Variants in PCDH9 observed in about 807,000 individuals in gnomAD.
PCDH9 encodes the protein protocadherin 9.
Under a neutral mutation model 70.6 loss-of-function variants are expected in PCDH9, and 24 were observed. The ratio of observed to expected loss-of-function variants is 0.34; its 90% CI spans 0.25 to 0.48. PCDH9 has a LOEUF of 0.48. Ranked by LOEUF, PCDH9 falls within the 20% of genes least tolerant of loss-of-function variation. The pLI is 0.99. For missense variants in PCDH9, 1,281 were observed against 1,503.6 expected (o/e 0.85, Z 2.45); for synonymous variants, 562 against 558.5 (o/e 1.01, Z -0.09).
intron 2 of PCDH9, among the ~76,000 whole-genome samples, chr13:67,154,605 TACACACACACACACACAC>T (rs765270091): frequency 4.3e-5 from 4 of 93,284 alleles, no homozygotes; most frequent in Admixed American, 1.3e-4. Flanking sequence ...AATATATATA[TACACACACACACACACAC>T]ACACACACAC....
chr13:66,823,018 A>T (rs887608870), intron 3 of PCDH9, among the ~76,000 whole-genome samples: 2 of 152,120 alleles, frequency 1.3e-5, no homozygotes, highest in African/African-American at 4.8e-5. Flanking sequence ...CAAATATTTT[A>T]TGTAGTTTTT....
intron 2 of PCDH9, among the ~76,000 whole-genome samples, chr13:67,040,620 G>A (rs1412627160): frequency 3.9e-5 from 6 of 152,112 alleles, no homozygotes; most frequent in African/African-American, 9.6e-5. Flanking sequence ...AATTTCTGTC[G>A]CTTATAAGCC....
At chr13:67,085,956 G>A (rs1485136871) in intron 2 of PCDH9, among the ~76,000 whole-genome samples, 3 of 152,068 alleles carry the variant, frequency 2.0e-5, no homozygotes, top group Non-Finnish European at 2.9e-5. Flanking sequence ...CCAAAAGGAC[G>A]CCTCAGACAA....
At chr13:66,976,821 T>G (rs796520287) in intron 2 of PCDH9, among the ~76,000 whole-genome samples, 20 of 152,270 alleles carry the variant, frequency 1.3e-4, no homozygotes, top group African/African-American at 4.6e-4. Flanking sequence ...TTTGGGAAAG[T>G]GCAGAGAGTT....
intron 2 of PCDH9, among the ~76,000 whole-genome samples, chr13:66,927,037 A>G (rs1296231283): frequency 6.6e-6 from 1 of 152,042 alleles, no homozygotes; most frequent in Non-Finnish European, 1.5e-5. Flanking sequence ...TCCAAGGAAA[A>G]TAGTAAAGTC....
At chr13:67,019,885 T>C (rs2084641327) in intron 2 of PCDH9, among the ~76,000 whole-genome samples, 1 of 152,204 alleles carries the variant, frequency 6.6e-6, no homozygotes, top group African/African-American at 2.4e-5. Flanking sequence ...TGCAGTTAAC[T>C]GGGAGAGAGG....
intron 2 of PCDH9, among the ~76,000 whole-genome samples, chr13:67,047,368 A>T (rs2085242909): frequency 6.6e-6 from 1 of 152,242 alleles, no homozygotes. Context: ...AATAGCTTTA[A>T]CTAGGATGAC....
chr13:66,614,901 T>C (rs2077337505), intron 4 of PCDH9, among the ~76,000 whole-genome samples: 1 of 152,152 alleles, frequency 6.6e-6, no homozygotes. Context: ...ACCTCACATT[T>C]TGTATTTGTC....
At chr13:66,813,550 AC>A (rs942672139) in intron 3 of PCDH9, among the ~76,000 whole-genome samples, 3 of 151,648 alleles carry the variant, frequency 2.0e-5, no homozygotes, top group African/African-American at 7.3e-5. Flanking sequence ...AGAGGAGGAA[AC>A]AGGTATCAAG....
At chr13:66,742,188 G>A (rs1302028223) in intron 3 of PCDH9, among the ~76,000 whole-genome samples, 582 of 49,354 alleles carry the variant, frequency 0.012, 18 homozygotes, top group African/African-American at 0.041. Context: ...AAATAACGCC[G>A]CATACCTACA....
intron 3 of PCDH9, among the ~76,000 whole-genome samples, chr13:66,808,456 A>C (rs1320224870): frequency 6.6e-6 from 1 of 152,186 alleles, no homozygotes; most frequent in Non-Finnish European, 1.5e-5. Context: ...ATTTAAAAAT[A>C]ATTACATAGT....
chr13:67,097,797 A>C (rs2138230195), intron 2 of PCDH9, among the ~76,000 whole-genome samples: 1 of 152,304 alleles, frequency 6.6e-6, no homozygotes, highest in Non-Finnish European at 1.5e-5. Flanking sequence ...AGAAAAACCA[A>C]TGAAGAGCCA....
At chr13:66,320,508 G>C (rs1955734208) in intron 4 of PCDH9, among the ~76,000 whole-genome samples, 1 of 151,934 alleles carries the variant, frequency 6.6e-6, no homozygotes, top group South Asian at 2.1e-4. Flanking sequence ...ATAAAGTTAA[G>C]CTGTTGTCTA....
At position 66,882,466 on chromosome 13, in the gene PCDH9, GCT is replaced by G. The variant is rs1178618849; in HGVS notation, c.3138+21036_3138+21037del. Among the ~76,000 whole-genome samples, 8 of 151,566 alleles carry G rather than the reference GCT, an allele frequency of 5.3e-5. No individual in the cohort carries two copies. In the South Asian group the frequency reaches 1.0e-3, roughly 20 times the overall value. On this transcript the variant is annotated intron_variant, in intron 3 of 4. Transcript: ENST00000377865. ...AATTTTCTTCCTCCATCAAAACTTGGCTCTGTTTTTTCCATTTTTTTATTTTG... is the reference window on the plus strand; with the variant it reads ...AATTTTCTTCCTCCATCAAAACTTGGCTGTTTTTTCCATTTTTTTATTTTG...
chr13:66,992,275 AT>A (rs1406632215), intron 2 of PCDH9, among the ~76,000 whole-genome samples: 4 of 152,168 alleles, frequency 2.6e-5, no homozygotes, highest in Non-Finnish European at 5.9e-5. Flanking sequence ...TGTGTTTTAC[AT>A]CTATGCTAGT....
intron 2 of PCDH9, among the ~76,000 whole-genome samples, chr13:67,169,410 C>T (rs1048608276): frequency 6.6e-5 from 10 of 152,132 alleles, no homozygotes; most frequent in African/African-American, 4.8e-5. Flanking sequence ...TTCTGCCATA[C>T]AAAATTCGTT....
At position 67,226,089 on chromosome 13, in the gene PCDH9, G is replaced by C. The variant is rs1401031210; in HGVS notation, c.2352C>G (p.Ile784Met). 1.9e-6 allele frequency: 3 copies of C among 1,613,986 alleles called. No homozygotes were observed. The highest frequency in any genetic ancestry group is 2.2e-5 in the East Asian group (1 of 44,878). ...VNDTAGNASY[I>M]YDLIRRTMET... ...CCATAGTCCTGCGGATCAAGTCATA[G>C]ATATAGGAGGCATTTCCAGCAGTGT... is the stretch of plus-strand genomic sequence containing the variant. Residue 784 changes from isoleucine (I) to methionine (M), a missense_variant, in exon 2 of 5, where the codon ATC becomes ATG. By Grantham distance (10) the Ile-to-Met change is conservative (BLOSUM62 1). This residue lies in a region of PCDH9 where 798 missense variants were observed against 1,003.1 expected (regional missense o/e 0.80). Transcript: ENST00000377865. This position sits in a 1 kb window ranked among gnomAD's most constrained non-coding sequence, Gnocchi z 5.0.
rs183060150 is a variant in PCDH9 at position 66,809,888 on chromosome 13, T to C, written c.3138+93616A>G. 2.0e-5 allele frequency among the ~76,000 whole-genome samples: 3 copies of C among 152,256 alleles called. No individual in the cohort carries two copies. In the East Asian group the frequency reaches 5.8e-4, roughly 29 times the overall value. On this transcript the variant is annotated intron_variant, in intron 3 of 4. Transcript: ENST00000377865. Reference sequence around the variant, plus strand: ...GCCTTTTTAAATTTTATAAGAATATTCCATATATTGTCCTTGTCCTTAGTG... The same window carrying C: ...GCCTTTTTAAATTTTATAAGAATATCCCATATATTGTCCTTGTCCTTAGTG...
chr13:66,622,272 A>T (rs950411521), intron 4 of PCDH9, among the ~76,000 whole-genome samples: 4 of 152,110 alleles, frequency 2.6e-5, no homozygotes, highest in African/African-American at 7.2e-5. Flanking sequence ...CTACCCTACG[A>T]GTGCAGCCCC....
Sources: gnomAD v4.1 joint callset for allele counts (sites outside exome capture counted in the v4.1 genomes callset) on GRCh38, gnomAD v4.1.1 for gene constraint, gnomAD v4.1.1 regional missense constraint, Gnocchi (gnomAD v3.1) non-coding constraint, MANE v1.5 for transcripts, NCBI Gene and HGNC (gene_info 2026-07-23, HGNC 2026-07-21) for gene names.